TIAL1: variants seen among roughly 807,000 people sequenced by gnomAD.
TIAL1 encodes TIA1 cytotoxic granule associated RNA binding protein like 1.
In TIAL1, 7 loss-of-function variants were observed where a neutral mutation model predicts 59.7. The observed-to-expected ratio is 0.12, with a 90% confidence interval of 0.07 to 0.22. The LOEUF is 0.22. TIAL1 is among the 10% of genes least tolerant of loss of function. The pLI, the probability that TIAL1 is intolerant of heterozygous loss-of-function variation, is 1.00. For missense variants in TIAL1, 225 were observed against 462.5 expected (o/e 0.49, Z 4.71); for synonymous variants, 149 against 146.3 (o/e 1.02, Z -0.13).
At position 119,577,020 on chromosome 10, in the gene TIAL1, A is replaced by G. The variant is rs7088869; in HGVS notation, c.861+60T>C. On this transcript the variant is annotated intron_variant, in intron 10 of 11. Coordinates refer to ENST00000436547, the MANE Select transcript of TIAL1 (RefSeq NM_003252.4). The stretch of plus-strand genomic sequence containing the variant: ...TATTGTTCATTTTACAGAGTTTCCA[A>G]AGCTTTTATGTGACATGTAAGATGG... The G allele has an allele frequency of 4.3e-3, 6,782 of 1,584,656 alleles. 204 individuals are homozygous for G. The African/African-American group carries it at 0.07, about 16-fold the overall frequency.
intron 1 of TIAL1, among the ~76,000 whole-genome samples, chr10:119,590,185 G>A (rs1845777680): frequency 6.6e-6 from 1 of 152,108 alleles, no homozygotes; most frequent in Non-Finnish European, 1.5e-5. Context: ...CCTAACTAGA[G>A]GACTAAACAA....
chr10:119,593,007 AT>A (rs1845969004), intron 1 of TIAL1, among the ~76,000 whole-genome samples: 1 of 152,226 alleles, frequency 6.6e-6, no homozygotes, highest in Non-Finnish European at 1.5e-5. Context: ...AAAGGAAGGG[AT>A]TGTGTAACAT....
intron 1 of TIAL1, among the ~76,000 whole-genome samples, chr10:119,593,278 G>A (rs570071999): frequency 6.6e-6 from 1 of 152,174 alleles, no homozygotes; most frequent in South Asian, 2.1e-4. Context: ...GTTACTCAAT[G>A]CATAATACCC....
chr10:119,577,731 T>G lies in TIAL1; in HGVS notation c.562A>C (p.Thr188Pro), dbSNP rs747960796. The G allele has an allele frequency of 6.2e-7, 1 of 1,613,582 alleles. No homozygotes were observed. Among genetic ancestry groups the G allele is most frequent in the Non-Finnish European group, 8.5e-7 (1 of 1,179,470 alleles). The change falls in exon 8 of 12, where the codon ACT becomes CCT. Residue 188 changes from threonine to proline, a missense_variant. Coordinates refer to ENST00000436547, the MANE Select transcript of TIAL1 (RefSeq NM_003252.4). ...PAPKSTQENN[T>P]KQLRFEDVVN... ...ACATCTTCAAATCTCAACTGCTTAG[T>G]GTTGTCTGTATGCAGAAACAAAACA...
chr10:119,595,887 G>A (rs1474502340), intron 1 of TIAL1, among the ~76,000 whole-genome samples: 1 of 152,196 alleles, frequency 6.6e-6, no homozygotes, highest in Non-Finnish European at 1.5e-5. Context: ...GGCACGTGGG[G>A]CATAAAGAGA....
Position 119,577,194 on chromosome 10 carries a change from G to C in TIAL1, c.747C>G (p.Thr249=). The C allele has an allele frequency of 6.3e-7, 1 of 1,595,796 alleles. No homozygotes were observed. Residue 249 remains threonine (T), a synonymous_variant, in exon 10 of 12, where the codon ACC becomes ACG. Transcript: ENST00000436547. Reference sequence around the variant, plus strand: ...CAATGGCATGGGCTGCACTTTCATGGGTTGAAAATCTAAGAAAGAAAAATG... The same window carrying C: ...CAATGGCATGGGCTGCACTTTCATGCGTTGAAAATCTAAGAAAGAAAAATG... ...EKGYSFVRFS[T]HESAAHAIVS...
At chr10:119,592,137 T>C (rs1432385287) in intron 1 of TIAL1, 6 of 151,970 alleles carry the variant, frequency 3.9e-5, no homozygotes, top group Non-Finnish European at 8.8e-5. Flanking sequence ...ATACACAAAA[T>C]AACAGAAAAA....
chr10:119,591,736 T>A (rs1845891035), intron 1 of TIAL1, among the ~76,000 whole-genome samples: 1 of 152,222 alleles, frequency 6.6e-6, no homozygotes, highest in Admixed American at 6.5e-5. Flanking sequence ...CACTATATAA[T>A]TTCACCTAAA....
rs1156790442 is a variant in TIAL1 at position 119,585,036 on chromosome 10, T to A, written c.130-2479A>T. 7.8e-5 allele frequency among the ~76,000 whole-genome samples: 11 copies of A among 141,484 alleles called. No individual in the cohort carries two copies. The East Asian group carries it at 2.1e-3, about 27-fold the overall frequency. 92.8% of individuals were successfully genotyped at this position (141,484 alleles called of 152,430 possible). On this transcript the variant is annotated intron_variant, in intron 2 of 11. Transcript: ENST00000436547. Reference sequence around the variant, plus strand: ...TACTTGGGAGGCTGAGGCAGGAGAATCACTTGAACCCAGGAGGCCAAGGCT... The same window carrying A: ...TACTTGGGAGGCTGAGGCAGGAGAAACACTTGAACCCAGGAGGCCAAGGCT...
Position 119,596,562 on chromosome 10 carries a change from T to C in TIAL1, c.-97A>G. On this transcript the variant is annotated 5_prime_UTR_variant, in exon 1 of 12. Transcript: ENST00000436547. ...GGGGAGGGGGGCTCTGGGCACCGGC[T>C]GGGGACAGAGGAAAAGGCACCGAAC... 1 of 960,682 alleles carries C rather than the reference T, an allele frequency of 1.0e-6. No homozygotes were observed. Among genetic ancestry groups the C allele is most frequent in the South Asian group, 1.6e-5 (1 of 63,576 alleles). The allele number at this position is 960,682 out of a possible 1,614,324, so 59.5% of individuals were successfully genotyped here. A position where few individuals can be genotyped will look rare whatever the true frequency, so the allele number is the denominator to read the frequency against.
In TIAL1 at chr10:119,596,803, A is replaced by T. The variant is rs185170456; in HGVS notation, c.-338T>A. 52 of 374,022 alleles carry T rather than the reference A, an allele frequency of 1.4e-4. 2 individuals are homozygous for T. In the East Asian group the frequency reaches 3.1e-3, roughly 22 times the overall value. The allele number at this position is 374,022 out of a possible 1,614,324, so 23.2% of individuals were successfully genotyped here. Reference sequence around the variant, plus strand: ...GGGAGAGAAAAAAGGGCCGCCGAGGAAACCCTGGGACCCGCTCACGACGGA... The same window carrying T: ...GGGAGAGAAAAAAGGGCCGCCGAGGTAACCCTGGGACCCGCTCACGACGGA... On this transcript the variant is annotated 5_prime_UTR_variant, in exon 1 of 12. Coordinates refer to ENST00000436547, the MANE Select transcript of TIAL1 (RefSeq NM_003252.4).
At position 119,578,845 on chromosome 10, in the gene TIAL1, A is replaced by C; in HGVS notation, c.448-11T>G. The C allele has an allele frequency of 6.2e-7, 1 of 1,602,554 alleles. No homozygotes were observed. Among genetic ancestry groups the C allele is most frequent in the South Asian group, 1.1e-5 (1 of 90,694 alleles). The stretch of plus-strand genomic sequence containing the variant: ...CGCATTTTCTGCATCCTATGGATAA[A>C]AAAGAAAGCACAATCACAAAGAAAA... On this transcript the variant is annotated splice_polypyrimidine_tract_variant and intron_variant, in intron 6 of 11. Transcript: ENST00000436547.
chr10:119,580,403 G>GT (rs1309958371), intron 5 of TIAL1: 2 of 636,336 alleles, frequency 3.1e-6, no homozygotes, highest in Non-Finnish European at 4.0e-6. Context: ...CTTCTGCCTA[G>GT]TGATACAAAA....
chr10:119,595,556 T>C (rs1457216532), intron 1 of TIAL1, among the ~76,000 whole-genome samples: 1 of 152,010 alleles, frequency 6.6e-6, no homozygotes, highest in African/African-American at 2.4e-5. Context: ...GGTTGGAAGA[T>C]GGAATTCATT....
intron 1 of TIAL1, among the ~76,000 whole-genome samples, chr10:119,590,201 A>C (rs1723742148): frequency 1.3e-5 from 2 of 152,230 alleles, no homozygotes. Flanking sequence ...AACAAGTGAC[A>C]AACTGTTTTA....
In TIAL1 at chr10:119,582,343, G is replaced by A; in HGVS notation, c.228+116C>T. 1 of 1,477,060 alleles carries A rather than the reference G, an allele frequency of 6.8e-7. No individual in the cohort carries two copies. Among genetic ancestry groups the A allele is most frequent in the Non-Finnish European group, 9.1e-7 (1 of 1,101,452 alleles). The allele number at this position is 1,477,060 out of a possible 1,614,324, so 91.5% of individuals were successfully genotyped here. A position where few individuals can be genotyped will look rare whatever the true frequency, so the allele number is the denominator to read the frequency against. Reference sequence around the variant, plus strand: ...TTGTAAAAGCACTAAGCTGAATAAAGCAAAACCATCACTCAGCAGCCGAAT... The same window carrying A: ...TTGTAAAAGCACTAAGCTGAATAAAACAAAACCATCACTCAGCAGCCGAAT... On this transcript the variant is annotated intron_variant, in intron 3 of 11. Transcript: ENST00000436547. This position sits in a 1 kb window ranked among gnomAD's most constrained non-coding sequence, Gnocchi z 5.1.
chr10:119,577,019 A>G (rs753235501), intron 10 of TIAL1, 61 bp downstream of exon 10: 67 of 1,583,932 alleles, frequency 4.2e-5, no homozygotes, highest in Non-Finnish European at 5.7e-5. Context: ...CAGAGTTTCC[A>G]AAGCTTTTAT....
chr10:119,589,179 A>G (rs1845724397), intron 1 of TIAL1, among the ~76,000 whole-genome samples: 1 of 152,138 alleles, frequency 6.6e-6, no homozygotes, highest in Admixed American at 6.6e-5. Context: ...AAAATTTCCT[A>G]GTCTAAAATG....
At chr10:119,581,871 T>C (rs763940067) in intron 5 of TIAL1, 51 bp downstream of exon 5, 3 of 1,295,314 alleles carry the variant, frequency 2.3e-6, no homozygotes, top group South Asian at 1.2e-5. Context: ...AAGTTAATCA[T>C]ATACAATTCT....
Sources: allele counts gnomAD v4.1 joint callset (sites outside exome capture counted in the v4.1 genomes callset), GRCh38; gene constraint gnomAD v4.1.1; non-coding constraint Gnocchi (gnomAD v3.1); transcripts MANE v1.5; gene names NCBI Gene and HGNC (gene_info 2026-07-23, HGNC 2026-07-21).